CACNA1H: variants seen among roughly 807,000 people sequenced by gnomAD.
The protein encoded by CACNA1H is calcium voltage-gated channel subunit alpha1 H, also known as voltage-dependent T-type calcium channel subunit alpha-1H.
A neutral mutation model predicts 192.5 loss-of-function variants in CACNA1H; 149 were observed. The ratio of observed to expected loss-of-function variants is 0.77; its 90% CI spans 0.68 to 0.89. The LOEUF (loss-of-function observed/expected upper bound fraction) is 0.89, where lower values mean the gene tolerates loss of function less well. Among genes scored for constraint, CACNA1H ranks in the 40% least tolerant of loss-of-function variants. The probability of loss-of-function intolerance (pLI) is 0.00; values close to 1 mark genes in which losing one functional copy is unlikely to be tolerated. For missense variants in CACNA1H, 4,257 were observed against 3,423.5 expected (o/e 1.24, Z -6.08); for synonymous variants, 2,202 against 1,475.2 (o/e 1.49, Z -11.29).
At position 1,209,120 on chromosome 16, in the gene CACNA1H, C is replaced by T; in HGVS notation, c.3452C>T (p.Ala1151Val). ...TCCAGCTGGAGCAGCCTGGGCCGTGCCCCCAGCCTCAAGCGCCGCGGCCAG... is the reference window on the plus strand; with the variant it reads ...TCCAGCTGGAGCAGCCTGGGCCGTGTCCCCAGCCTCAAGCGCCGCGGCCAG... ...RRSSWSSLGRAPSLKRRGQCG... is the reference protein window; with the variant it reads ...RRSSWSSLGRVPSLKRRGQCG... The change falls in exon 17 of 35, where the codon GCC becomes GTC. Residue 1151 changes from alanine to valine, a missense_variant. Ala to Val is a moderately conservative substitution (Grantham distance 64). Transcript: ENST00000348261. 2.6e-6 allele frequency: 4 copies of T among 1,554,578 alleles called. No homozygotes were observed. Among genetic ancestry groups the T allele is most frequent in the Non-Finnish European group, 2.6e-6 (3 of 1,150,918 alleles).
At position 1,209,376 on chromosome 16, in the gene CACNA1H, T is replaced by C. The variant is rs773135908; in HGVS notation, c.3708T>C (p.Arg1236=). 1.3e-6 allele frequency: 2 copies of C among 1,597,786 alleles called. No individual in the cohort carries two copies. The highest frequency in any genetic ancestry group is 1.1e-5 in the South Asian group (1 of 91,070). ...SDFFLRIDSH[R]EDAAELDDDS... ...TCTTCCTGCGCATCGACAGCCACCG[T>C]GAGGATGCAGCCGAGCTTGACGACG... is the stretch of plus-strand genomic sequence containing the variant. The change falls in exon 17 of 35, where the codon CGT becomes CGC. Residue 1236 remains arginine, a synonymous_variant. Coordinates refer to ENST00000348261, the MANE Select transcript of CACNA1H (RefSeq NM_021098.3).
At chr16:1,165,770 G>A (rs1184588377) in intron 2 of CACNA1H, among the ~76,000 whole-genome samples, 2 of 152,180 alleles carry the variant, frequency 1.3e-5, no homozygotes, top group African/African-American at 4.8e-5. Context: ...GAGTTGTGCT[G>A]GCCACCTCAC....
rs60309396 is a variant in CACNA1H, at chr16:1,200,831, G to A, written c.1212+23G>A. 29,578 of 1,532,792 alleles carry A rather than the reference G, an allele frequency of 0.019. 348 individuals are homozygous for A. Among genetic ancestry groups the A allele is most frequent in the Non-Finnish European group, 0.022 (24,563 of 1,130,654 alleles). 94.9% of individuals were successfully genotyped at this position (1,532,792 alleles called of 1,614,324 possible). On this transcript the variant is annotated intron_variant, in intron 8 of 34. Coordinates refer to ENST00000348261, the MANE Select transcript of CACNA1H (RefSeq NM_021098.3). ...ATCGTGAGTGTGGGCGGCAGTGTTC[G>A]CCATGATGGGCCCTGGTGTTAGCTG... is the stretch of plus-strand genomic sequence containing the variant.
chr16:1,195,193 G>T, intron 3 of CACNA1H, 110 bp downstream of exon 3: 2 of 923,448 alleles, frequency 2.2e-6, no homozygotes, highest in Non-Finnish European at 1.6e-6. Context: ...GCGTGGAGTG[G>T]GTCAGGGTCG....
At chr16:1,160,796 TG>T (rs1252760929) in intron 2 of CACNA1H, among the ~76,000 whole-genome samples, 1 of 152,118 alleles carries the variant, frequency 6.6e-6, no homozygotes, top group Non-Finnish European at 1.5e-5. Context: ...GCGGGAGCTG[TG>T]GGCAGAGAGA....
At chr16:1,177,307 G>C (rs570739876) in intron 2 of CACNA1H, among the ~76,000 whole-genome samples, 3 of 152,168 alleles carry the variant, frequency 2.0e-5, no homozygotes, top group African/African-American at 7.2e-5. Context: ...CCTCAGCCCC[G>C]GCTCTGACAT....
intron 2 of CACNA1H, among the ~76,000 whole-genome samples, chr16:1,188,635 G>C (rs1472222668): frequency 1.3e-5 from 2 of 152,222 alleles, no homozygotes; most frequent in South Asian, 4.1e-4. Flanking sequence ...CAGGGGCCGG[G>C]AGAAAACGGC....
intron 2 of CACNA1H, among the ~76,000 whole-genome samples, chr16:1,160,751 T>C (rs1963087255): frequency 6.6e-6 from 1 of 152,134 alleles, no homozygotes; most frequent in Non-Finnish European, 1.5e-5. Context: ...GAGGCCTCCT[T>C]TGTCCTCTTG....
rs554546755 is a variant in CACNA1H, at chr16:1,200,358, C to T, written c.906C>T (p.Cys302=). 2.6e-5 allele frequency: 41 copies of T among 1,600,490 alleles called. No individual in the cohort carries two copies. The highest frequency in any genetic ancestry group is 4.0e-5 in the African/African-American group (3 of 74,748). Residue 302 remains cysteine (C), a synonymous_variant, in exon 7 of 35, where the codon TGC becomes TGT. Coordinates refer to ENST00000348261, the MANE Select transcript of CACNA1H (RefSeq NM_021098.3). The part of the protein sequence containing the change: ...SSRRDNGMQK[C]SHIPGRRELR... ...GCCGAGACAACGGCATGCAGAAGTG[C>T]TCGCACATCCCCGGCCGCCGCGAGC...
chr16:1,169,125 C>T (rs890213405), intron 2 of CACNA1H, among the ~76,000 whole-genome samples: 1 of 149,168 alleles, frequency 6.7e-6, no homozygotes, highest in Non-Finnish European at 1.5e-5. Flanking sequence ...GGGTGTGCAT[C>T]CCAGAGCCTG....
At chr16:1,206,791 T>C in intron 12 of CACNA1H, 1 of 548,794 alleles carries the variant, frequency 1.8e-6, no homozygotes, top group South Asian at 2.4e-5. Context: ...TTCTCTCGCC[T>C]GTGGAATGGA....
At chr16:1,190,254 A>G (rs1476910401) in intron 2 of CACNA1H, among the ~76,000 whole-genome samples, 5 of 152,228 alleles carry the variant, frequency 3.3e-5, no homozygotes, top group Non-Finnish European at 7.3e-5. Flanking sequence ...CGCAGTGGAA[A>G]TTGATTCTAA....
intron 16 of CACNA1H, among the ~76,000 whole-genome samples, chr16:1,208,662 C>G (rs1006520585): frequency 1.3e-5 from 2 of 152,120 alleles, no homozygotes; most frequent in African/African-American, 4.8e-5. Context: ...ACAACAGACA[C>G]GGAGGATGGG....
chr16:1,208,486 C>A (rs1015097335), intron 16 of CACNA1H, among the ~76,000 whole-genome samples: 1 of 152,192 alleles, frequency 6.6e-6, no homozygotes, highest in East Asian at 1.9e-4. Flanking sequence ...ACAGAAAGAC[C>A]GAAGCAAGCA....
chr16:1,160,646 G>C (rs1963073687), intron 2 of CACNA1H, among the ~76,000 whole-genome samples: 1 of 152,224 alleles, frequency 6.6e-6, no homozygotes, highest in Non-Finnish European at 1.5e-5. Context: ...TCGCGGGGCG[G>C]AGGTGGGCCC....
In CACNA1H at chr16:1,220,303, C is replaced by T. The variant is rs372453886; in HGVS notation, c.6371C>T (p.Pro2124Leu). ...TAEPHGPEAS[P>L]VAGGERDLRR... ...GAGCCCCATGGCCCCGAAGCCTCTC[C>T]GGTGGCCGGCGGCGAGCGGGACCTG... The change falls in exon 35 of 35, where the codon CCG (proline) becomes CTG (leucine). Residue 2124 changes from proline (P) to leucine (L), a missense_variant. By Grantham distance (98) the Pro-to-Leu change is moderately conservative (BLOSUM62 -3). Transcript: ENST00000348261. The T allele has an allele frequency of 1.2e-4, 191 of 1,564,200 alleles. 1 individual carries two copies. In the South Asian group the frequency reaches 1.3e-3, roughly 11 times the overall value.
At position 1,221,098 on chromosome 16, in the gene CACNA1H, C is replaced by G. The variant is rs1026033548; in HGVS notation, c.*104C>G. 1.9e-5 allele frequency: 17 copies of G among 904,640 alleles called. No individual in the cohort carries two copies. The highest frequency in any genetic ancestry group is 2.8e-5 in the Non-Finnish European group (17 of 611,490). The allele number at this position is 904,640 out of a possible 1,614,324, so 56.0% of individuals were successfully genotyped here. ...GCATGGACCCTGACTTGGGTCCCGT[C>G]GTGAGCAGAAAGGCCCGGGGAGGAT... On this transcript the variant is annotated 3_prime_UTR_variant, in exon 35 of 35. Transcript: ENST00000348261.
chr16:1,191,948 G>A (rs1216766621), intron 2 of CACNA1H, among the ~76,000 whole-genome samples: 1 of 152,266 alleles, frequency 6.6e-6, no homozygotes, highest in Non-Finnish European at 1.5e-5. Flanking sequence ...GTGCAGCACC[G>A]CAGGTCCGGG....
At position 1,220,610 on chromosome 16, in the gene CACNA1H, G is replaced by A. The variant is rs398124369; in HGVS notation, c.6678G>A (p.Thr2226=). Residue 2226 remains threonine, a synonymous_variant, in exon 35 of 35, where the codon ACG becomes ACA. Coordinates refer to ENST00000348261, the MANE Select transcript of CACNA1H (RefSeq NM_021098.3). The part of the protein sequence containing the change: ...LRRRTPSCEA[T]PHRDSLEPTE... ...GCAGGACCCCGTCCTGTGAGGCCAC[G>A]CCTCACAGGGACTCCCTGGAGCCCA... is the stretch of plus-strand genomic sequence containing the variant. 9.6e-6 allele frequency: 15 copies of A among 1,567,438 alleles called. No homozygotes were observed. In the African/African-American group the frequency reaches 9.6e-5, roughly 10 times the overall value.
Sources: allele counts gnomAD v4.1 joint callset (sites outside exome capture counted in the v4.1 genomes callset), GRCh38; gene constraint gnomAD v4.1.1; transcripts MANE v1.5; gene names NCBI Gene and HGNC (gene_info 2026-07-23, HGNC 2026-07-21).